PNKD: variants seen among roughly 807,000 people sequenced by gnomAD.
PNKD encodes PNKD metallo-beta-lactamase domain containing, also known as probable thioesterase PNKD.
In PNKD, 36 loss-of-function variants were observed where a neutral mutation model predicts 45.3. That is an observed-to-expected ratio of 0.80 (90% CI 0.61 to 1.05). The LOEUF is 1.05. PNKD is among the 50% of genes least tolerant of loss of function. PNKD has a pLI of 0.00. For missense variants in PNKD, 511 were observed against 506.6 expected (o/e 1.01, Z -0.08); for synonymous variants, 197 against 210.1 (o/e 0.94, Z 0.54).
intron 2 of PNKD, chr2:218,282,115 T>C (rs1418596929): frequency 6.5e-7 from 1 of 1,536,594 alleles, no homozygotes; most frequent in Non-Finnish European, 8.8e-7. Flanking sequence ...GGTCTTCATA[T>C]GGTGGTGGGG....
At chr2:218,327,869 G>A (rs1694198135) in intron 2 of PNKD, 1 of 149,722 alleles carries the variant, frequency 6.7e-6, no homozygotes, top group Non-Finnish European at 1.5e-5. Flanking sequence ...GGGCCAGCCA[G>A]GAGAATCGCT....
chr2:218,297,213 G>A (rs1693159769), intron 2 of PNKD, among the ~76,000 whole-genome samples: 1 of 152,230 alleles, frequency 6.6e-6, no homozygotes, highest in African/African-American at 2.4e-5. Flanking sequence ...GGTAGGGGTG[G>A]GGTATGGGGG....
Position 218,286,647 on chromosome 2 carries a change from T to A in PNKD, c.236+15098T>A, listed in dbSNP as rs1228528980. ...ACCTCCTCCCCTGGAGCCCTCTCAG[T>A]GTGGTAATCCTGCTGTCTGCCTACT... On this transcript the variant is annotated intron_variant, in intron 2 of 9. Transcript: ENST00000273077. 2.0e-5 allele frequency: 3 copies of A among 152,290 alleles called. No individual in the cohort carries two copies. In the East Asian group the frequency reaches 5.8e-4, roughly 30 times the overall value. 9.4% of individuals were successfully genotyped at this position (152,290 alleles called of 1,614,324 possible).
intron 2 of PNKD, among the ~76,000 whole-genome samples, chr2:218,288,376 T>A (rs996223925): frequency 3.3e-5 from 5 of 151,628 alleles, no homozygotes; most frequent in African/African-American, 1.2e-4. Context: ...TTGCAGTGAG[T>A]CAAAATGGCG....
chr2:218,288,824 G>A (rs887832617), intron 2 of PNKD, among the ~76,000 whole-genome samples: 1 of 152,036 alleles, frequency 6.6e-6, no homozygotes, highest in Non-Finnish European at 1.5e-5. Flanking sequence ...AAAAGGGAGG[G>A]AAGGAAATTG....
chr2:218,329,474 G>C (rs1044085111), intron 2 of PNKD, among the ~76,000 whole-genome samples: 6 of 152,378 alleles, frequency 3.9e-5, no homozygotes, highest in African/African-American at 1.2e-4. Context: ...CTCCCAGCCA[G>C]GGCTGAGACC....
intron 2 of PNKD, chr2:218,280,130 G>A (rs761214236): frequency 1.9e-6 from 3 of 1,610,396 alleles, no homozygotes; most frequent in Non-Finnish European, 8.5e-7. Flanking sequence ...CCTGGGCCTA[G>A]GGACAGATGA....
intron 2 of PNKD, among the ~76,000 whole-genome samples, chr2:218,321,189 T>C (rs1227211022): frequency 1.3e-5 from 2 of 152,228 alleles, no homozygotes; most frequent in African/African-American, 4.8e-5. Context: ...ATAGAATGCC[T>C]GATATAGCCT....
chr2:218,322,067 C>A (rs1321630328), intron 2 of PNKD, among the ~76,000 whole-genome samples: 1 of 150,878 alleles, frequency 6.6e-6, no homozygotes, highest in Non-Finnish European at 1.5e-5. Flanking sequence ...GGATTACAGG[C>A]AGGCGCCACC....
At chr2:218,277,693 A>G in intron 2 of PNKD, 1 of 1,614,096 alleles carries the variant, frequency 6.2e-7, no homozygotes, top group Non-Finnish European at 8.5e-7. Context: ...GAGAGACAAG[A>G]ATGAAACACT....
At chr2:218,342,644 G>A (rs1694715202) in intron 7 of PNKD, among the ~76,000 whole-genome samples, 1 of 152,072 alleles carries the variant, frequency 6.6e-6, no homozygotes, top group African/African-American at 2.4e-5. Flanking sequence ...AGGTTGCAGC[G>A]AGCTGAGATC....
chr2:218,336,847 A>T (rs1294036596), intron 2 of PNKD, among the ~76,000 whole-genome samples: 1 of 110,788 alleles, frequency 9.0e-6, no homozygotes, highest in Non-Finnish European at 1.7e-5. Flanking sequence ...CCCAGGCTGG[A>T]GTGCAATGGT....
At chr2:218,319,041 G>A (rs1385245166) in intron 2 of PNKD, among the ~76,000 whole-genome samples, 7 of 132,546 alleles carry the variant, frequency 5.3e-5, no homozygotes, top group Non-Finnish European at 9.2e-5. Context: ...TGTAACCTCC[G>A]CCTCCTGGGT....
intron 2 of PNKD, chr2:218,275,631 T>C (rs1282201287): frequency 1.9e-6 from 3 of 1,605,854 alleles, no homozygotes; most frequent in Non-Finnish European, 1.7e-6. Flanking sequence ...ACTGCAAGGA[T>C]AGGGAAGCCA....
Position 218,336,213 on chromosome 2 carries a change from C to CAAA in PNKD, c.237-3557_237-3555dup, listed in dbSNP as rs60697754. On this transcript the variant is annotated intron_variant, in intron 2 of 9. Coordinates refer to ENST00000273077, the MANE Select transcript of PNKD (RefSeq NM_015488.5). ...ACGGTGACAGAGTGAGACTCCATCT[C>CAAA]AAAAAAAAAAAAAAAGTTTGGAAAA... Among the ~76,000 whole-genome samples, 17 of 92,810 alleles carry CAAA rather than the reference C, an allele frequency of 1.8e-4. 7 individuals carry two copies. The highest frequency in any genetic ancestry group is 6.7e-4 in the Admixed American group (5 of 7,510). 60.9% of individuals were successfully genotyped at this position (92,810 alleles called of 152,430 possible). A position where few individuals can be genotyped will look rare whatever the true frequency, so the allele number is the denominator to read the frequency against.
At chr2:218,275,711 C>T (rs967471966) in intron 2 of PNKD, 16 of 1,477,820 alleles carry the variant, frequency 1.1e-5, no homozygotes, top group South Asian at 5.2e-5. Flanking sequence ...GGGGCCTATG[C>T]GCCACACAGT....
intron 7 of PNKD, among the ~76,000 whole-genome samples, chr2:218,343,297 G>A (rs955287029): frequency 1.4e-4 from 22 of 152,190 alleles, no homozygotes; most frequent in Admixed American, 1.3e-3. Flanking sequence ...CGGAGGCCTC[G>A]GATGGGCTTG....
rs1574700832 is a variant in PNKD, at chr2:218,323,179, C to A, written c.237-16604C>A. 3.6e-6 allele frequency: 5 copies of A among 1,375,968 alleles called. No individual in the cohort carries two copies. The Admixed American group carries it at 1.4e-4, about 39-fold the overall frequency. The allele number at this position is 1,375,968 out of a possible 1,614,324, so 85.2% of individuals were successfully genotyped here. On this transcript the variant is annotated intron_variant, in intron 2 of 9. Coordinates refer to ENST00000273077, the MANE Select transcript of PNKD (RefSeq NM_015488.5). ...GCCACAACGCCCCCACGTCCAGAGC[C>A]GGCAGGCAGGTTCCCCGCGGGGGGC...
At chr2:218,307,546 G>T (rs773388547) in intron 2 of PNKD, among the ~76,000 whole-genome samples, 8 of 152,168 alleles carry the variant, frequency 5.3e-5, no homozygotes, top group Non-Finnish European at 1.0e-4. Flanking sequence ...GATCTGACAG[G>T]AGGTGGAGCT....
Sources: allele counts gnomAD v4.1 joint callset (sites outside exome capture counted in the v4.1 genomes callset), GRCh38; gene constraint gnomAD v4.1.1; transcripts MANE v1.5; gene names NCBI Gene and HGNC (gene_info 2026-07-23, HGNC 2026-07-21).